PRKD2: variants seen among roughly 807,000 people sequenced by gnomAD.
The protein encoded by PRKD2 is protein kinase D2.
A neutral mutation model predicts 86.0 loss-of-function variants in PRKD2; 22 were observed. The ratio of observed to expected loss-of-function variants is 0.26; its 90% CI spans 0.18 to 0.37. The LOEUF is 0.37. Ranked by LOEUF, PRKD2 falls within the 10% of genes least tolerant of loss-of-function variation. PRKD2 has a pLI of 1.00. For synonymous variants in PRKD2, 509 were observed against 510.9 expected (o/e 1.00, Z 0.05); for missense variants, 818 against 1,199.2 (o/e 0.68, Z 4.70).
chr19:46,690,685 C>T lies in PRKD2; in HGVS notation c.1724G>A (p.Arg575Gln), dbSNP rs1447925115. Reference sequence around the variant, plus strand: ...GTCAATGACCTTAACTGCCACGTCCCGGCCTGTCTTCCGGTGTTTTCCTGC... The same window carrying T: ...GTCAATGACCTTAACTGCCACGTCCTGGCCTGTCTTCCGGTGTTTTCCTGC... ...VYGGKHRKTG[R>Q]DVAVKVIDKL... Residue 575 changes from arginine (R) to glutamine (Q), a missense_variant, in exon 13 of 18, where the codon CGG becomes CAG. Around this residue, in one of 5 missense-constraint regions of PRKD2, gnomAD observed 154 missense variants for 359.6 expected, o/e 0.43. Transcript: ENST00000291281. 15 of 1,613,940 alleles carry T rather than the reference C, an allele frequency of 9.3e-6. No homozygotes were observed. In the East Asian group the frequency reaches 1.1e-4, roughly 12 times the overall value.
chr19:46,716,243 G>C lies in PRKD2; in HGVS notation c.128C>G (p.Ser43Cys). Residue 43 changes from serine to cysteine, a missense_variant, in exon 1 of 18, where the codon TCC becomes TGC. Ser to Cys is a moderately radical substitution (Grantham distance 112). This residue lies in a region of PRKD2 where 403 missense variants were observed against 518.6 expected (regional missense o/e 0.78). Coordinates refer to ENST00000291281, the MANE Select transcript of PRKD2 (RefSeq NM_016457.5). This position sits in a 1 kb window ranked among gnomAD's most constrained non-coding sequence, Gnocchi z 7.9. ...GATCTGGATGTGAAAGGAGACCCCG[G>C]AACCCGGGGCCGGGATCTGGGGCAG... ...PLLPQIPAPG[S>C]GVSFHIQIGL... is the part of the protein sequence containing the mutation. The C allele has an allele frequency of 1.2e-6, 2 of 1,605,484 alleles. No individual in the cohort carries two copies. Among genetic ancestry groups the C allele is most frequent in the Non-Finnish European group, 1.7e-6 (2 of 1,176,754 alleles).
At position 46,675,196 on chromosome 19, in the gene PRKD2, C is replaced by T. The variant is rs999939799; in HGVS notation, c.2339-78G>A. On this transcript the variant is annotated intron_variant, in intron 16 of 17. Transcript: ENST00000291281. The stretch of plus-strand genomic sequence containing the variant: ...CTCCAATAGGCACCCCCTAGCCTAC[C>T]TGCCTGCCATCAACACCTTCCTTCT... 1.3e-5 allele frequency: 16 copies of T among 1,265,562 alleles called. No homozygotes were observed. In the South Asian group the frequency reaches 1.6e-4, roughly 12 times the overall value. The allele number at this position is 1,265,562 out of a possible 1,614,324, so 78.4% of individuals were successfully genotyped here. A position where few individuals can be genotyped will look rare whatever the true frequency, so the allele number is the denominator to read the frequency against.
intron 14 of PRKD2, chr19:46,685,295 G>T (rs1599816367): frequency 6.6e-6 from 1 of 152,120 alleles, no homozygotes; most frequent in African/African-American, 2.4e-5. Flanking sequence ...AAGAGGGCAG[G>T]TTGGAAGCTA....
intron 1 of PRKD2, 175 bp from the exon 2 acceptor site, chr19:46,714,176 C>T: frequency 7.5e-7 from 1 of 1,332,280 alleles, no homozygotes; most frequent in Non-Finnish European, 9.6e-7. Flanking sequence ...GGGCAGGATG[C>T]CAGCGCCCCA....
intron 3 of PRKD2, among the ~76,000 whole-genome samples, chr19:46,709,520 C>T (rs776961818): frequency 6.6e-6 from 1 of 152,210 alleles, no homozygotes; most frequent in Middle Eastern, 3.4e-3. Flanking sequence ...TCCACCAACA[C>T]GCCGGCTTTT....
chr19:46,682,662 G>C (rs12461093), intron 14 of PRKD2, among the ~76,000 whole-genome samples: 115,840 of 150,930 alleles, frequency 0.77, 44,850 homozygotes, highest in African/African-American at 0.88. Flanking sequence ...GAATGCTACT[G>C]ACAGAGCAGG....
At chr19:46,681,011 T>A (rs2053297317) in intron 15 of PRKD2, among the ~76,000 whole-genome samples, 1 of 144,936 alleles carries the variant, frequency 6.9e-6, no homozygotes, top group African/African-American at 2.5e-5. Flanking sequence ...TGGAGTGCAG[T>A]GGCGTGATCT....
At chr19:46,688,679 C>A (rs2053436412) in intron 14 of PRKD2, 1 of 152,210 alleles carries the variant, frequency 6.6e-6, no homozygotes, top group Non-Finnish European at 1.5e-5. Flanking sequence ...TCAGGTGATC[C>A]ACCCGCCTTG....
At chr19:46,715,408 GATTCTAAT>G (rs1446562879) in intron 1 of PRKD2, among the ~76,000 whole-genome samples, 5 of 152,310 alleles carry the variant, frequency 3.3e-5, no homozygotes. Flanking sequence ...AACAAGTTAT[GATTCTAAT>G]ATTCTAACAT....
At chr19:46,712,295 C>A (rs57375619) in intron 2 of PRKD2, among the ~76,000 whole-genome samples, 1 of 151,236 alleles carries the variant, frequency 6.6e-6, no homozygotes, top group Admixed American at 6.6e-5. Context: ...AATCGCAGCA[C>A]TTTGGGAGGC....
At chr19:46,712,899 A>G (rs1260792828) in intron 2 of PRKD2, among the ~76,000 whole-genome samples, 3 of 152,162 alleles carry the variant, frequency 2.0e-5, no homozygotes, top group Admixed American at 2.0e-4. Context: ...TTAGAAAATC[A>G]CCTGGGGGCT....
intron 2 of PRKD2, among the ~76,000 whole-genome samples, chr19:46,713,575 C>A (rs1210405580): frequency 6.6e-6 from 1 of 152,018 alleles, no homozygotes; most frequent in East Asian, 1.9e-4. Flanking sequence ...GCCTTCATGA[C>A]CCCACTCTGT....
chr19:46,716,392 C>T lies in PRKD2; in HGVS notation c.-22G>A, dbSNP rs761744560. ...CCATGGGGGGAGGCCGGGGACCGGC[C>T]GCCTGGAGCCCACCCGGGACCCGGC... is the stretch of plus-strand genomic sequence containing the variant. On this transcript the variant is annotated 5_prime_UTR_variant, in exon 1 of 18. Transcript: ENST00000291281. The surrounding 1 kb of genome is among the most constrained non-coding windows in gnomAD (Gnocchi z 7.9). 7.3e-7 allele frequency: 1 copy of T among 1,363,972 alleles called. No homozygotes were observed. The allele number at this position is 1,363,972 out of a possible 1,614,324, so 84.5% of individuals were successfully genotyped here.
intron 3 of PRKD2, among the ~76,000 whole-genome samples, chr19:46,709,613 G>T (rs1009886911): frequency 1.3e-5 from 2 of 151,962 alleles, no homozygotes; most frequent in African/African-American, 4.8e-5. Flanking sequence ...CACCTGCCTC[G>T]GCCTCCCAGA....
chr19:46,697,328 A>C, intron 8 of PRKD2, 94 bp from the exon 9 acceptor site: 8 of 896,154 alleles, frequency 8.9e-6, no homozygotes, highest in African/African-American at 1.7e-5. Context: ...TGCCTGGAGC[A>C]CCACGTGCAC....
chr19:46,707,791 T>C (rs550432448), intron 3 of PRKD2, among the ~76,000 whole-genome samples: 39 of 152,044 alleles, frequency 2.6e-4, no homozygotes, highest in South Asian at 2.1e-4. Context: ...TTGAGACATC[T>C]TGGCTTAAAG....
intron 5 of PRKD2, among the ~76,000 whole-genome samples, chr19:46,703,958 A>AACAACACACACACACACACACACACACAC (rs1555830816): frequency 7.5e-6 from 1 of 133,658 alleles, no homozygotes; most frequent in Non-Finnish European, 1.6e-5. Context: ...AAACAACAAC[A>AACAACACACACACACACACACACACACAC]ACACACACAC....
In PRKD2 at chr19:46,716,099, C is replaced by T. The variant is rs926310222; in HGVS notation, c.240+32G>A. Reference sequence around the variant, plus strand: ...CAGCGCCCCCTCCTTCAACCTCTCCCCGAGCTGGATCCAGGGAGCCTGCGC... The same window carrying T: ...CAGCGCCCCCTCCTTCAACCTCTCCTCGAGCTGGATCCAGGGAGCCTGCGC... On this transcript the variant is annotated intron_variant, in intron 1 of 17. Transcript: ENST00000291281. The surrounding 1 kb of genome is among the most constrained non-coding windows in gnomAD (Gnocchi z 7.9). The T allele has an allele frequency of 1.2e-6, 2 of 1,604,090 alleles. No homozygotes were observed. The highest frequency in any genetic ancestry group is 4.6e-5 in the East Asian group (2 of 43,652).
intron 7 of PRKD2, among the ~76,000 whole-genome samples, chr19:46,700,106 G>T: frequency 7.0e-6 from 1 of 142,756 alleles, no homozygotes; most frequent in East Asian, 2.0e-4. Context: ...GGCCTGGGCG[G>T]GTGCCTGTAG....
Sources: gnomAD v4.1 joint callset for allele counts (sites outside exome capture counted in the v4.1 genomes callset) on GRCh38, gnomAD v4.1.1 for gene constraint, gnomAD v4.1.1 regional missense constraint, Gnocchi (gnomAD v3.1) non-coding constraint, MANE v1.5 for transcripts, NCBI Gene and HGNC (gene_info 2026-07-23, HGNC 2026-07-21) for gene names.